The following MAP4K5 variants were observed in gnomAD, a reference collection of about 807,000 sequenced individuals.
MAP4K5 encodes MAPK/ERK kinase kinase kinase 5.
Under a neutral mutation model 135.6 loss-of-function variants are expected in MAP4K5, and 82 were observed. That is an observed-to-expected ratio of 0.60 (90% CI 0.51 to 0.73). The LOEUF is 0.73. Among genes scored for constraint, MAP4K5 ranks in the 30% least tolerant of loss-of-function variants. The pLI, the probability that MAP4K5 is intolerant of heterozygous loss-of-function variation, is 0.00. For missense variants in MAP4K5, 907 were observed against 1,010.9 expected (o/e 0.90, Z 1.39); for synonymous variants, 347 against 335.0 (o/e 1.04, Z -0.39).
At chr14:50,519,215 T>G (rs1005878219) in intron 2 of MAP4K5, among the ~76,000 whole-genome samples, 2 of 151,960 alleles carry the variant, frequency 1.3e-5, no homozygotes, top group African/African-American at 4.8e-5. Context: ...CAAATATACA[T>G]CTATATAATA....
At chr14:50,548,015 C>G (rs1014352296) in intron 1 of MAP4K5, among the ~76,000 whole-genome samples, 3 of 152,174 alleles carry the variant, frequency 2.0e-5, no homozygotes, top group Non-Finnish European at 4.4e-5. Flanking sequence ...CTCAGAGTCT[C>G]TTGCAGATGT....
At chr14:50,441,754 AC>A (rs2036232497) in intron 21 of MAP4K5, among the ~76,000 whole-genome samples, 1 of 7,868 alleles carries the variant, frequency 1.3e-4, no homozygotes, top group Non-Finnish European at 6.6e-4. Flanking sequence ...ACACACACAC[AC>A]ACACACACAC....
chr14:50,556,181 A>G (rs2038763060), intron 1 of MAP4K5, among the ~76,000 whole-genome samples: 1 of 152,190 alleles, frequency 6.6e-6, no homozygotes, highest in Non-Finnish European at 1.5e-5. Flanking sequence ...CATAATTCAC[A>G]TACCATAAAA....
Position 50,464,281 on chromosome 14 carries a change from A to T in MAP4K5, c.738-148T>A, listed in dbSNP as rs1468252131. On this transcript the variant is annotated intron_variant, in intron 11 of 32. Coordinates refer to ENST00000682126, the MANE Select transcript of MAP4K5 (RefSeq NM_006575.6). ...AAAGTACAATATATTCCGTGGAAAC[A>T]TCTGTGTCAGTTTTGTCTTTCATAT... 11 of 555,994 alleles carry T rather than the reference A, an allele frequency of 2.0e-5. No homozygotes were observed. The South Asian group carries it at 2.5e-4, about 12-fold the overall frequency. The allele number at this position is 555,994 out of a possible 1,614,324, so 34.4% of individuals were successfully genotyped here.
In MAP4K5 at chr14:50,482,354, A is replaced by G; in HGVS notation, c.378+7T>C. The G allele has an allele frequency of 6.8e-7, 1 of 1,473,358 alleles. No homozygotes were observed. Among genetic ancestry groups the G allele is most frequent in the Non-Finnish European group, 9.0e-7 (1 of 1,107,828 alleles). The allele number at this position is 1,473,358 out of a possible 1,614,324, so 91.3% of individuals were successfully genotyped here. On this transcript the variant is annotated splice_region_variant and intron_variant, in intron 6 of 32. Coordinates refer to ENST00000682126, the MANE Select transcript of MAP4K5 (RefSeq NM_006575.6). ...GCCTTTCTAACTATATTAAGAAAATATAGTACCTGTAAGGTTTCTCTGCAT... is the reference window on the plus strand; with the variant it reads ...GCCTTTCTAACTATATTAAGAAAATGTAGTACCTGTAAGGTTTCTCTGCAT...
chr14:50,439,552 TTAA>T (rs1002963127), intron 23 of MAP4K5, among the ~76,000 whole-genome samples: 2 of 152,120 alleles, frequency 1.3e-5, no homozygotes, highest in Non-Finnish European at 2.9e-5. Flanking sequence ...ATTATCTCAT[TTAA>T]CTCTCACAAC....
intron 18 of MAP4K5, 145 bp downstream of exon 18, chr14:50,444,896 G>T: frequency 1.2e-6 from 1 of 845,048 alleles, no homozygotes; most frequent in Non-Finnish European, 1.8e-6. Context: ...AAAGCTTTAA[G>T]CTATAATAGG....
At chr14:50,502,143 G>C (rs1012804876) in intron 3 of MAP4K5, among the ~76,000 whole-genome samples, 1 of 152,100 alleles carries the variant, frequency 6.6e-6, no homozygotes, top group African/African-American at 2.4e-5. Flanking sequence ...CGCTAAGCAC[G>C]TGGGAGTTAT....
chr14:50,520,289 G>A (rs1189269946), intron 2 of MAP4K5, among the ~76,000 whole-genome samples: 2 of 152,058 alleles, frequency 1.3e-5, no homozygotes, highest in Non-Finnish European at 2.9e-5. Context: ...ACCTGAGGTC[G>A]GTAGTTCAAG....
At position 50,471,019 on chromosome 14, in the gene MAP4K5, T is replaced by A. The variant is rs544768260; in HGVS notation, c.543-2237A>T. On this transcript the variant is annotated intron_variant, in intron 9 of 32. Transcript: ENST00000682126. ...ATTTCTTTTCTTTTTTTCCTTCAAC[T>A]TTTATTTTAAGTTCCAGGGTATATG... is the stretch of plus-strand genomic sequence containing the variant. Among the ~76,000 whole-genome samples the A allele has an allele frequency of 5.9e-5, 9 of 152,308 alleles. No homozygotes were observed. The South Asian group carries it at 1.7e-3, about 28-fold the overall frequency.
chr14:50,432,732 C>T (rs973437021), intron 28 of MAP4K5, among the ~76,000 whole-genome samples: 1 of 151,822 alleles, frequency 6.6e-6, no homozygotes. Flanking sequence ...TGCTTTATAC[C>T]ATGCTGATGA....
chr14:50,535,148 C>T (rs1056106715), upstream of MAP4K5, among the ~76,000 whole-genome samples: 3 of 152,132 alleles, frequency 2.0e-5, no homozygotes, highest in South Asian at 2.1e-4. Flanking sequence ...TTATAATATA[C>T]GATAATGGTT....
At chr14:50,434,698 T>C in intron 27 of MAP4K5, 127 bp from the exon 28 acceptor site, 1 of 844,154 alleles carries the variant, frequency 1.2e-6, no homozygotes, top group Non-Finnish European at 1.8e-6. Context: ...GGATTACCTC[T>C]AAGATGATAA....
At chr14:50,552,734 GACAAA>G (rs901555615) in intron 1 of MAP4K5, among the ~76,000 whole-genome samples, 1 of 152,064 alleles carries the variant, frequency 6.6e-6, no homozygotes, top group African/African-American at 2.4e-5. Flanking sequence ...ACTGGTCGTC[GACAAA>G]ACAAACAAAA....
chr14:50,508,803 C>G (rs545408457), intron 2 of MAP4K5, among the ~76,000 whole-genome samples: 3 of 152,048 alleles, frequency 2.0e-5, no homozygotes, highest in Non-Finnish European at 4.4e-5. Context: ...CTAGTTCAAC[C>G]ATTGTGGAAG....
rs768903418 is a variant in MAP4K5, at chr14:50,434,480, C to T, written c.2078G>A (p.Ser693Asn). ...QEYPMVCVAISKGTESNQVVQ... is the reference protein window; with the variant it reads ...QEYPMVCVAINKGTESNQVVQ... ...TACCTGATTCGATTCAGTGCCTTTG[C>T]TAATAGCTACACAGACCATAGGGTA... The change falls in exon 28 of 33, where the codon AGC becomes AAC. Residue 693 changes from serine (S) to asparagine (N), a missense_variant. By Grantham distance (46) the Ser-to-Asn change is conservative. Transcript: ENST00000682126. 7.5e-6 allele frequency: 12 copies of T among 1,608,400 alleles called. No individual in the cohort carries two copies. In the South Asian group the frequency reaches 1.3e-4, roughly 18 times the overall value.
upstream of MAP4K5, chr14:50,533,409 C>T (rs982446540): frequency 2.0e-5 from 3 of 151,984 alleles, no homozygotes; most frequent in East Asian, 5.8e-4. Context: ...GTTTATAAAG[C>T]GTTTTACAGG....
In MAP4K5 at chr14:50,475,103, T is replaced by C. The variant is rs745464695; in HGVS notation, c.516A>G (p.Arg172=). ...AGTAAGGGGTGCCAATGAAAGATTT[T>C]CGTTTTGCAATGGTAGCTGTTATTT... is the stretch of plus-strand genomic sequence containing the variant. ...AAKITATIAK[R]KSFIGTPYWM... The change falls in exon 9 of 33, where the codon CGA becomes CGG. Residue 172 remains arginine (R), a synonymous_variant. Coordinates refer to ENST00000682126, the MANE Select transcript of MAP4K5 (RefSeq NM_006575.6). 1 of 1,613,904 alleles carries C rather than the reference T, an allele frequency of 6.2e-7. No homozygotes were observed. The highest frequency in any genetic ancestry group is 8.5e-7 in the Non-Finnish European group (1 of 1,179,818).
At chr14:50,518,822 G>C (rs1200726966) in intron 2 of MAP4K5, among the ~76,000 whole-genome samples, 1 of 152,168 alleles carries the variant, frequency 6.6e-6, no homozygotes, top group Non-Finnish European at 1.5e-5. Context: ...TAATTATCTG[G>C]AGGTCTTAAT....
Sources: allele counts gnomAD v4.1 joint callset (sites outside exome capture counted in the v4.1 genomes callset), GRCh38; gene constraint gnomAD v4.1.1; transcripts MANE v1.5; gene names NCBI Gene and HGNC (gene_info 2026-07-23, HGNC 2026-07-21).